ARMH4: variants seen among roughly 807,000 people sequenced by gnomAD.
ARMH4 encodes armadillo like helical domain containing 4, also known as armadillo-like helical domain-containing protein 4.
Under a neutral mutation model 61.9 loss-of-function variants are expected in ARMH4, and 49 were observed. The observed-to-expected ratio is 0.79, with a 90% CI of 0.63 to 1.00. The LOEUF (loss-of-function observed/expected upper bound fraction) is 1.00. ARMH4 is among the 50% of genes least tolerant of loss of function. The probability of loss-of-function intolerance (pLI) is 0.00; values close to 1 mark genes in which losing one functional copy is unlikely to be tolerated. For synonymous variants in ARMH4, 368 were observed against 341.5 expected (o/e 1.08, Z -0.85); for missense variants, 934 against 930.0 (o/e 1.00, Z -0.06).
chr14:58,046,122 A>G (rs535791146), intron 5 of ARMH4, among the ~76,000 whole-genome samples: 1 of 152,326 alleles, frequency 6.6e-6, no homozygotes, highest in African/African-American at 2.4e-5. Flanking sequence ...GGAAAGTAGT[A>G]TAATACAATA....
chr14:58,016,917 A>T (rs939471722), intron 5 of ARMH4, among the ~76,000 whole-genome samples: 1 of 152,350 alleles, frequency 6.6e-6, no homozygotes, highest in African/African-American at 2.4e-5. Flanking sequence ...AAGATCAGGA[A>T]CAAGACAAGG....
chr14:58,090,643 C>A (rs569774507), intron 5 of ARMH4, among the ~76,000 whole-genome samples: 1 of 151,946 alleles, frequency 6.6e-6, no homozygotes, highest in South Asian at 2.1e-4. Context: ...CTTTAGGAGG[C>A]CAAGGCAGAC....
chr14:58,080,483 G>C (rs188417809), intron 5 of ARMH4, among the ~76,000 whole-genome samples: 20 of 152,062 alleles, frequency 1.3e-4, no homozygotes, highest in African/African-American at 4.6e-4. Flanking sequence ...GGGATGAGAA[G>C]GACCAAACGA....
rs1402093908 is a variant in ARMH4 at position 58,003,934 on chromosome 14, A to T, written c.*802T>A. On this transcript the variant is annotated 3_prime_UTR_variant, in exon 8 of 8. Coordinates refer to ENST00000267485, the MANE Select transcript of ARMH4 (RefSeq NM_001001872.4). Reference sequence around the variant, plus strand: ...TCATCTCATTCTTGAATTCTTCTTCATTTTTTCTCGGCAAAATCAACTAGC... The same window carrying T: ...TCATCTCATTCTTGAATTCTTCTTCTTTTTTTCTCGGCAAAATCAACTAGC... 6.6e-6 allele frequency: 1 copy of T among 152,052 alleles called. No homozygotes were observed. The highest frequency in any genetic ancestry group is 1.5e-5 in the Non-Finnish European group (1 of 68,004). The allele number at this position is 152,052 out of a possible 1,614,324, so 9.4% of individuals were successfully genotyped here. A position where few individuals can be genotyped will look rare whatever the true frequency, so the allele number is the denominator to read the frequency against.
At chr14:58,126,157 A>G (rs1347116368) in intron 4 of ARMH4, among the ~76,000 whole-genome samples, 1 of 152,190 alleles carries the variant, frequency 6.6e-6, no homozygotes. Flanking sequence ...AACAAAAGAA[A>G]AAAATCTTAA....
chr14:58,142,874 C>T (rs1887611369), intron 1 of ARMH4, among the ~76,000 whole-genome samples: 1 of 152,130 alleles, frequency 6.6e-6, no homozygotes, highest in Non-Finnish European at 1.5e-5. Flanking sequence ...ACTACAGGCA[C>T]ATACCACCAC....
At chr14:58,118,036 G>C (rs1359367161) in intron 4 of ARMH4, among the ~76,000 whole-genome samples, 2 of 152,126 alleles carry the variant, frequency 1.3e-5, no homozygotes, top group African/African-American at 4.8e-5. Flanking sequence ...AGTGCTGGGA[G>C]AGAGCCGTTT....
intron 4 of ARMH4, among the ~76,000 whole-genome samples, chr14:58,122,429 C>T (rs748444912): frequency 6.6e-6 from 1 of 152,160 alleles, no homozygotes; most frequent in Non-Finnish European, 1.5e-5. Context: ...GCATACCTCC[C>T]TGTCACCTGA....
intron 4 of ARMH4, 23 bp from the exon 5 acceptor site, chr14:58,097,004 G>A (rs755922478): frequency 3.7e-6 from 6 of 1,608,296 alleles, no homozygotes; most frequent in Admixed American, 3.3e-5. Flanking sequence ...AAATCAAAGG[G>A]AAGCATAAAC....
At chr14:58,107,862 T>A (rs1292037588) in intron 4 of ARMH4, among the ~76,000 whole-genome samples, 1 of 151,980 alleles carries the variant, frequency 6.6e-6, no homozygotes, top group South Asian at 2.1e-4. Flanking sequence ...TGAGCGCATA[T>A]TAGCCTTTCT....
intron 4 of ARMH4, among the ~76,000 whole-genome samples, chr14:58,116,871 A>T (rs1245273828): frequency 3.9e-5 from 6 of 152,174 alleles, no homozygotes; most frequent in Non-Finnish European, 7.3e-5. Flanking sequence ...TTGGTATGTT[A>T]TCCATTATCT....
rs1375333954 is a variant in ARMH4, at chr14:58,068,837, T to C, written c.2089+27887A>G. Among the ~76,000 whole-genome samples, 5 of 152,046 alleles carry C rather than the reference T, an allele frequency of 3.3e-5. No individual in the cohort carries two copies. The South Asian group carries it at 6.2e-4, about 19-fold the overall frequency. On this transcript the variant is annotated intron_variant, in intron 5 of 7. Transcript: ENST00000267485. ...GTCTGGGCAACATGGTGAAACCCCA[T>C]CTCTACTAAAAATACAAAAATTAGC...
In ARMH4 at chr14:58,001,306, T is replaced by C. The variant is rs753873503; in HGVS notation, c.*3430A>G. On this transcript the variant is annotated 3_prime_UTR_variant, in exon 8 of 8. Coordinates refer to ENST00000267485, the MANE Select transcript of ARMH4 (RefSeq NM_001001872.4). The stretch of plus-strand genomic sequence containing the variant: ...AATGCAATTTCCATATCTTGGCTAT[T>C]GTGAATAATACTTATAAGCTTATTG... 1.2e-4 allele frequency: 18 copies of C among 152,232 alleles called. No individual in the cohort carries two copies. The highest frequency in any genetic ancestry group is 2.2e-4 in the Non-Finnish European group (15 of 68,040). 9.4% of individuals were successfully genotyped at this position (152,232 alleles called of 1,614,324 possible).
intron 4 of ARMH4, chr14:58,116,118 C>T (rs1162061434): frequency 6.5e-6 from 1 of 152,744 alleles, no homozygotes; most frequent in Non-Finnish European, 1.5e-5. Context: ...TCAGTTCTCT[C>T]CTTGTTAAAT....
chr14:58,020,384 C>T (rs551230815), intron 5 of ARMH4, among the ~76,000 whole-genome samples: 1 of 152,266 alleles, frequency 6.6e-6, no homozygotes, highest in East Asian at 1.9e-4. Context: ...TCTGTTCCCT[C>T]GGACAAATGT....
At chr14:58,073,219 C>G (rs1258954237) in intron 5 of ARMH4, among the ~76,000 whole-genome samples, 1 of 152,136 alleles carries the variant, frequency 6.6e-6, no homozygotes, top group African/African-American at 2.4e-5. Flanking sequence ...AAGAAACACA[C>G]CAAAAGCCTA....
intron 4 of ARMH4, among the ~76,000 whole-genome samples, chr14:58,124,172 G>A (rs1422794500): frequency 6.6e-6 from 1 of 152,184 alleles, no homozygotes; most frequent in Non-Finnish European, 1.5e-5. Flanking sequence ...AACTCAGAAA[G>A]CCAATACCCA....
At chr14:58,013,115 T>C (rs1882470190) in intron 5 of ARMH4, among the ~76,000 whole-genome samples, 1 of 152,208 alleles carries the variant, frequency 6.6e-6, no homozygotes, top group African/African-American at 2.4e-5. Flanking sequence ...TTTTCTCTGC[T>C]TTTCAGAAGC....
chr14:58,144,082 C>G (rs1456004465), intron 1 of ARMH4, among the ~76,000 whole-genome samples: 2 of 152,036 alleles, frequency 1.3e-5, no homozygotes, highest in East Asian at 3.9e-4. Context: ...CCACACTGTT[C>G]TTTTTAAAAA....
Sources: allele counts gnomAD v4.1 joint callset (sites outside exome capture counted in the v4.1 genomes callset), GRCh38; gene constraint gnomAD v4.1.1; transcripts MANE v1.5; gene names NCBI Gene and HGNC (gene_info 2026-07-23, HGNC 2026-07-21).